The following ANKFN1 variants were observed in gnomAD, a reference collection of about 807,000 sequenced individuals.
The protein encoded by ANKFN1 is ankyrin repeat and fibronectin type III domain containing 1.
ANKFN1 carries 74 observed loss-of-function variants against 108.7 expected under a neutral mutation model. The ratio of observed to expected loss-of-function variants is 0.68; its 90% CI spans 0.56 to 0.83. The LOEUF is 0.83. Ranked by LOEUF, ANKFN1 falls within the 40% of genes least tolerant of loss-of-function variation. The probability of loss-of-function intolerance (pLI) is 0.00; values close to 1 mark genes in which losing one functional copy is unlikely to be tolerated. For missense variants in ANKFN1, 1,505 were observed against 1,382.3 expected (o/e 1.09, Z -1.41); for synonymous variants, 547 against 516.2 (o/e 1.06, Z -0.81).
In ANKFN1 at chr17:56,358,965, G is replaced by A. The variant is rs376101945; in HGVS notation, c.601+4919G>A. Among the ~76,000 whole-genome samples the A allele has an allele frequency of 9.9e-5, 15 of 152,058 alleles. No homozygotes were observed. The East Asian group carries it at 1.4e-3, about 14-fold the overall frequency. ...TCCAGGAGGAGTTTGCTGAATCATC[G>A]ATGGGAGTCTTGCCTTTCTGAGATG... On this transcript the variant is annotated intron_variant, in intron 6 of 20. Transcript: ENST00000682825.
chr17:56,301,416 T>G lies in ANKFN1; in HGVS notation c.54-24805T>G, dbSNP rs566609214. On this transcript the variant is annotated intron_variant, in intron 3 of 20. Coordinates refer to ENST00000682825, the MANE Select transcript of ANKFN1 (RefSeq NM_001370326.1). ...ACTAATCAACCATAATGGCTTGGTT[T>G]AATCTGAAATGCTCTAAAATCATCT... Among the ~76,000 whole-genome samples, 5 of 152,350 alleles carry G rather than the reference T, an allele frequency of 3.3e-5. No homozygotes were observed. The South Asian group carries it at 8.3e-4, about 25-fold the overall frequency.
chr17:56,383,448 A>C (rs552005974), intron 8 of ANKFN1, among the ~76,000 whole-genome samples: 199 of 152,324 alleles, frequency 1.3e-3, no homozygotes, highest in African/African-American at 4.6e-3. Flanking sequence ...ACACATTCAA[A>C]AGCTAGCAGA....
intron 10 of ANKFN1, among the ~76,000 whole-genome samples, chr17:56,445,234 C>T (rs576391374): frequency 6.6e-6 from 1 of 152,230 alleles, no homozygotes; most frequent in South Asian, 2.1e-4. Flanking sequence ...TCTCAGTTGA[C>T]CTGAAAGTGA....
chr17:56,404,649 T>G (rs1374362248), intron 8 of ANKFN1, among the ~76,000 whole-genome samples: 4 of 152,216 alleles, frequency 2.6e-5, no homozygotes, highest in African/African-American at 9.6e-5. Context: ...CCTCATGAAT[T>G]CTTTTTCAGG....
At chr17:56,278,903 A>G (rs921531425) in intron 3 of ANKFN1, among the ~76,000 whole-genome samples, 1 of 152,262 alleles carries the variant, frequency 6.6e-6, no homozygotes, top group African/African-American at 2.4e-5. Context: ...GATGTACAAC[A>G]TGAAGCTTAA....
At chr17:56,316,678 C>T (rs533676676) in intron 3 of ANKFN1, among the ~76,000 whole-genome samples, 1 of 152,280 alleles carries the variant, frequency 6.6e-6, no homozygotes, top group South Asian at 2.1e-4. Flanking sequence ...TTTTGACTGG[C>T]ACTCAGGAGA....
intron 20 of ANKFN1, among the ~76,000 whole-genome samples, chr17:56,506,874 A>G (rs1185682858): frequency 6.6e-6 from 1 of 152,178 alleles, no homozygotes; most frequent in East Asian, 1.9e-4. Flanking sequence ...TCAAGAATAC[A>G]AATTGGAAAA....
At chr17:56,401,368 ATTGTGTTGTGTTGTGTTGTG>A (rs71139906) in intron 8 of ANKFN1, among the ~76,000 whole-genome samples, 17,701 of 135,218 alleles carry the variant, frequency 0.13, 1,474 homozygotes, top group East Asian at 0.33. Flanking sequence ...ATTGTATTGT[ATTGTGTTGTGTTGTGTTGTG>A]TTGTGTTGTG....
chr17:56,446,613 C>T (rs144770669), intron 10 of ANKFN1, among the ~76,000 whole-genome samples: 2 of 152,232 alleles, frequency 1.3e-5, no homozygotes, highest in African/African-American at 4.8e-5. Flanking sequence ...TTTTCTTAAA[C>T]CTCAGACAAA....
intron 8 of ANKFN1, among the ~76,000 whole-genome samples, chr17:56,424,952 A>G (rs2048513805): frequency 6.6e-6 from 1 of 152,158 alleles, no homozygotes; most frequent in Non-Finnish European, 1.5e-5. Context: ...GGTGACAGCT[A>G]CATAAATATT....
intron 1 of ANKFN1, among the ~76,000 whole-genome samples, chr17:56,178,486 AAGG>A (rs1911380729): frequency 6.6e-6 from 1 of 152,168 alleles, no homozygotes; most frequent in African/African-American, 2.4e-5. Flanking sequence ...GAGAATCTCA[AAGG>A]TAGGAGCTGT....
At chr17:56,051,852 C>T (rs1348298771) in intron 4 of ANKFN1, among the ~76,000 whole-genome samples, 2 of 150,942 alleles carry the variant, frequency 1.3e-5, no homozygotes, top group Non-Finnish European at 3.0e-5. Context: ...CCTAGGAATC[C>T]AACTTACAAG....
At chr17:56,154,002 A>G (rs1908846515) in intron 1 of ANKFN1, among the ~76,000 whole-genome samples, 1 of 151,758 alleles carries the variant, frequency 6.6e-6, no homozygotes, top group Non-Finnish European at 1.5e-5. Flanking sequence ...ATGATGGAGA[A>G]GTAAAATTTT....
intron 3 of ANKFN1, among the ~76,000 whole-genome samples, chr17:56,274,472 CA>C (rs199682017): frequency 6.6e-6 from 1 of 151,108 alleles, no homozygotes; most frequent in Non-Finnish European, 1.5e-5. Flanking sequence ...GACTCCGCCT[CA>C]AAAAAATAAT....
At position 56,310,748 on chromosome 17, in the gene ANKFN1, T is replaced by TTGTG. The variant is rs71137198; in HGVS notation, c.54-15451_54-15448dup. Among the ~76,000 whole-genome samples the TTGTG allele has an allele frequency of 9.3e-3, 1,403 of 150,178 alleles. 12 individuals are homozygous for TTGTG. The highest frequency in any genetic ancestry group is 0.017 in the East Asian group (86 of 5,074). On this transcript the variant is annotated intron_variant, in intron 3 of 20. Coordinates refer to ENST00000682825, the MANE Select transcript of ANKFN1 (RefSeq NM_001370326.1). ...ACATATCCATCATCTCACAATTACT[T>TTGTG]TGTGTGTGTGTGTGTGTGTGTGTGT...
intron 8 of ANKFN1, among the ~76,000 whole-genome samples, chr17:56,432,328 A>G (rs1315626759): frequency 6.6e-6 from 1 of 151,968 alleles, no homozygotes; most frequent in East Asian, 1.9e-4. Flanking sequence ...TGAGTTAGTG[A>G]TGTGACTACT....
At chr17:56,439,165 A>C (rs1462245612) in intron 8 of ANKFN1, among the ~76,000 whole-genome samples, 5 of 152,208 alleles carry the variant, frequency 3.3e-5, no homozygotes, top group African/African-American at 9.6e-5. Context: ...GAGAGAATGC[A>C]GGATCATCCA....
chr17:56,105,094 T>G (rs1217111600), intron 4 of ANKFN1, among the ~76,000 whole-genome samples: 2 of 152,100 alleles, frequency 1.3e-5, no homozygotes, highest in African/African-American at 4.8e-5. Context: ...ATGCAGCAAC[T>G]TTGCCTGGAT....
chr17:56,110,612 GTGAAGGCAAAGTGAATGAATGAA>G (rs1188338957), intron 4 of ANKFN1, among the ~76,000 whole-genome samples: 8 of 152,194 alleles, frequency 5.3e-5, no homozygotes, highest in Non-Finnish European at 1.0e-4. Flanking sequence ...GAACAAATGA[GTGAAGGCAAAGTGAATGAATGAA>G]TGAAGGCAAA....
Sources: gnomAD v4.1 joint callset for allele counts (sites outside exome capture counted in the v4.1 genomes callset) on GRCh38, gnomAD v4.1.1 for gene constraint, MANE v1.5 for transcripts, NCBI Gene and HGNC (gene_info 2026-07-23, HGNC 2026-07-21) for gene names.